CHODL: variants seen among roughly 807,000 people sequenced by gnomAD.
CHODL encodes chondrolectin.
CHODL carries 29 observed loss-of-function variants against 34.5 expected under a neutral mutation model. That is an observed-to-expected ratio of 0.84 (90% CI 0.63 to 1.15). The LOEUF (loss-of-function observed/expected upper bound fraction) is 1.15, where lower values mean the gene tolerates loss of function less well. Among genes scored for constraint, CHODL ranks in the 50% most tolerant of loss-of-function variants. The pLI, the probability that CHODL is intolerant of heterozygous loss-of-function variation, is 0.00. For missense variants in CHODL, 332 were observed against 332.5 expected, an observed-to-expected ratio of 1.00 and a Z score of 0.01; for synonymous variants, 125 against 116.1, an observed-to-expected ratio of 1.08 and a Z score of -0.49.
intron 2 of CHODL, among the ~76,000 whole-genome samples, chr21:18,167,209 CTCTGTGTGTGTGTGTGTGTG>C (rs1011291756): frequency 5.4e-5 from 7 of 129,146 alleles, no homozygotes; most frequent in African/African-American, 1.1e-4. Context: ...ATTTCTCTCT[CTCTGTGTGTGTGTGTGTGTG>C]TGTGTGTGTG....
chr21:18,253,900 G>T (rs953221029), intron 1 of CHODL, among the ~76,000 whole-genome samples: 2 of 152,074 alleles, frequency 1.3e-5, no homozygotes, highest in African/African-American at 4.8e-5. Flanking sequence ...ACAACTCTTG[G>T]CTTGCTTGCA....
intron 2 of CHODL, among the ~76,000 whole-genome samples, chr21:18,203,838 T>C (rs952228212): frequency 1.4e-4 from 22 of 152,272 alleles, no homozygotes; most frequent in African/African-American, 4.8e-4. Flanking sequence ...CCTGGGAAGT[T>C]TGAACCAAAG....
chr21:18,049,026 C>T (rs1219838403), intron 2 of CHODL, among the ~76,000 whole-genome samples: 1 of 151,822 alleles, frequency 6.6e-6, no homozygotes, highest in African/African-American at 2.4e-5. Flanking sequence ...TTGAGATGAA[C>T]ACAATTACAA....
At chr21:18,145,777 T>C (rs1394600963) in intron 2 of CHODL, among the ~76,000 whole-genome samples, 2 of 152,238 alleles carry the variant, frequency 1.3e-5, no homozygotes, top group Non-Finnish European at 2.9e-5. Flanking sequence ...TGGTTATTTT[T>C]CCTTTCACTT....
chr21:18,049,389 C>T (rs2064485270), intron 2 of CHODL, among the ~76,000 whole-genome samples: 1 of 151,972 alleles, frequency 6.6e-6, no homozygotes, highest in African/African-American at 2.4e-5. Context: ...ATTTGCTCTA[C>T]ACTGTTTCAT....
intron 2 of CHODL, among the ~76,000 whole-genome samples, chr21:18,043,585 G>A (rs760306251): frequency 6.6e-6 from 1 of 151,874 alleles, no homozygotes; most frequent in Non-Finnish European, 1.5e-5. Flanking sequence ...TCACTAGAAC[G>A]TGCTTAGGTT....
In CHODL at chr21:18,002,942, T is replaced by G. The variant is rs35029595; in HGVS notation, c.-144-24930T>G. Among the ~76,000 whole-genome samples the G allele has an allele frequency of 6.6e-5, 10 of 151,572 alleles. 2 individuals are homozygous for G. Among genetic ancestry groups the G allele is most frequent in the Admixed American group, 5.9e-4 (9 of 15,248 alleles). ...ATCGAGACCATCCGGGCTAACACGG[T>G]GAAACCCCGTCTCTACTAAAAATAC... On this transcript the variant is annotated intron_variant, in intron 1 of 6. Transcript: ENST00000400127.
At chr21:17,918,459 A>G (rs2146306720) in intron 1 of CHODL, among the ~76,000 whole-genome samples, 1 of 152,332 alleles carries the variant, frequency 6.6e-6, no homozygotes, top group East Asian at 1.9e-4. Flanking sequence ...CATGTCTTAC[A>G]TGGATGGCAG....
chr21:18,148,493 G>C (rs1324857201), intron 2 of CHODL, among the ~76,000 whole-genome samples: 2 of 152,004 alleles, frequency 1.3e-5, no homozygotes, highest in African/African-American at 4.8e-5. Flanking sequence ...AGAATTTGTA[G>C]GTTTTATAGA....
intron 1 of CHODL, among the ~76,000 whole-genome samples, chr21:18,246,978 T>G (rs1469192121): frequency 6.6e-6 from 1 of 152,194 alleles, no homozygotes; most frequent in Non-Finnish European, 1.5e-5. Flanking sequence ...TGATGTTTAT[T>G]TGATATTAAA....
intron 2 of CHODL, among the ~76,000 whole-genome samples, chr21:18,175,191 T>C (rs2073290821): frequency 1.3e-5 from 2 of 152,214 alleles, no homozygotes; most frequent in Admixed American, 1.3e-4. Context: ...TACAGATGCA[T>C]TAATGATACC....
intron 2 of CHODL, among the ~76,000 whole-genome samples, chr21:18,142,250 C>A (rs76749848): frequency 0.05 from 7,563 of 152,126 alleles, 503 homozygotes; most frequent in African/African-American, 0.16. Flanking sequence ...AGGGACTCAG[C>A]TCATTCATGA....
intron 2 of CHODL, among the ~76,000 whole-genome samples, chr21:18,124,413 C>G (rs146984249): frequency 6.6e-6 from 1 of 152,140 alleles, no homozygotes; most frequent in East Asian, 1.9e-4. Flanking sequence ...CACTGCTGAC[C>G]TTGTGCTTAG....
chr21:18,146,178 C>T (rs1354893599), intron 2 of CHODL, among the ~76,000 whole-genome samples: 9 of 150,284 alleles, frequency 6.0e-5, no homozygotes, highest in Admixed American at 4.0e-4. Context: ...GGGCTTTCAC[C>T]GTGTTAGCCA....
At chr21:17,935,783 T>C (rs1568805729) in intron 1 of CHODL, among the ~76,000 whole-genome samples, 1 of 152,190 alleles carries the variant, frequency 6.6e-6, no homozygotes. Flanking sequence ...AGAAAGATTG[T>C]ATCTTCTGAG....
chr21:18,132,536 A>G (rs1344079057), intron 2 of CHODL, among the ~76,000 whole-genome samples: 1 of 152,164 alleles, frequency 6.6e-6, no homozygotes, highest in Non-Finnish European at 1.5e-5. Flanking sequence ...TGTAAGCAAT[A>G]CCGTATGCCA....
chr21:17,972,544 T>G (rs1355080253), intron 1 of CHODL, among the ~76,000 whole-genome samples: 33 of 152,146 alleles, frequency 2.2e-4, no homozygotes, highest in Non-Finnish European at 1.5e-5. Flanking sequence ...CATTCACAAT[T>G]GCTACAAAGA....
intron 1 of CHODL, among the ~76,000 whole-genome samples, chr21:18,014,315 A>G (rs1409174634): frequency 1.3e-5 from 2 of 152,224 alleles, no homozygotes; most frequent in African/African-American, 4.8e-5. Flanking sequence ...GGATGAAATC[A>G]TGTCCTTCAC....
chr21:18,201,853 G>C (rs2073656811), intron 2 of CHODL, among the ~76,000 whole-genome samples: 3 of 137,736 alleles, frequency 2.2e-5, no homozygotes, highest in African/African-American at 8.4e-5. Context: ...CGCCCAGGCT[G>C]GAGTGCAGTG....
Sources: gnomAD v4.1 joint callset for allele counts (sites outside exome capture counted in the v4.1 genomes callset) on GRCh38, gnomAD v4.1.1 for gene constraint, MANE v1.5 for transcripts, NCBI Gene and HGNC (gene_info 2026-07-23, HGNC 2026-07-21) for gene names.